PCCA: variants seen among roughly 807,000 people sequenced by gnomAD.
PCCA encodes propionyl-CoA carboxylase subunit alpha, also known as propionyl-CoA carboxylase alpha chain, mitochondrial.
A neutral mutation model predicts 101.3 loss-of-function variants in PCCA; 74 were observed. That is an observed-to-expected ratio of 0.73 (90% confidence interval 0.61 to 0.89). The LOEUF (loss-of-function observed/expected upper bound fraction) is 0.89, where lower values mean the gene tolerates loss of function less well. Among genes scored for constraint, PCCA ranks in the 40% least tolerant of loss-of-function variants. PCCA has a pLI of 0.00. For missense variants in PCCA, 891 were observed against 907.0 expected (o/e 0.98, Z 0.23); for synonymous variants, 294 against 313.6 (o/e 0.94, Z 0.66).
chr13:100,335,028 TG>T (rs1426171639), intron 17 of PCCA, among the ~76,000 whole-genome samples: 1 of 152,224 alleles, frequency 6.6e-6, no homozygotes, highest in African/African-American at 2.4e-5. Context: ...ATGCAAGGAA[TG>T]TACAGTGAGA....
chr13:100,356,510 T>C (rs530810448), intron 18 of PCCA, among the ~76,000 whole-genome samples: 2 of 152,244 alleles, frequency 1.3e-5, no homozygotes, highest in African/African-American at 4.8e-5. Flanking sequence ...ATGCTCTGTA[T>C]CATTAGTTGA....
At chr13:100,178,473 T>A (rs554650436) in intron 6 of PCCA, among the ~76,000 whole-genome samples, 1 of 152,318 alleles carries the variant, frequency 6.6e-6, no homozygotes, top group African/African-American at 2.4e-5. Context: ...CCATAAGGCT[T>A]TAATTTACCC....
rs183869507 is a variant in PCCA at position 100,400,576 on chromosome 13, G to A, written c.1747-25057G>A. ...GACCACTCTTCACACTTACAGAAGTGTTAGGTGATAATTTTAGGTGTAATA... is the reference window on the plus strand; with the variant it reads ...GACCACTCTTCACACTTACAGAAGTATTAGGTGATAATTTTAGGTGTAATA... On this transcript the variant is annotated intron_variant, in intron 19 of 23. Transcript: ENST00000376285. Among the ~76,000 whole-genome samples the A allele has an allele frequency of 2.1e-3, 310 of 145,522 alleles. 3 individuals carry two copies. The highest frequency in any genetic ancestry group is 3.6e-3 in the Non-Finnish European group (239 of 66,682).
rs71777843 is a variant in PCCA at position 100,263,843 on chromosome 13, GTA to G, written c.819+1024_819+1025del. Among the ~76,000 whole-genome samples, 740 of 144,778 alleles carry G rather than the reference GTA, an allele frequency of 5.1e-3. 5 individuals are homozygous for G. Among genetic ancestry groups the G allele is most frequent in the African/African-American group, 0.013 (503 of 39,874 alleles). 95.0% of individuals were successfully genotyped at this position (144,778 alleles called of 152,430 possible). A position where few individuals can be genotyped will look rare whatever the true frequency, so the allele number is the denominator to read the frequency against. On this transcript the variant is annotated intron_variant, in intron 10 of 23. Transcript: ENST00000376285. ...ATCATATATATGGTATCTGTATATC[GTA>G]TATATATATATGGTATCTGTATATC...
chr13:100,283,998 G>A (rs949935393), intron 12 of PCCA, among the ~76,000 whole-genome samples: 15 of 152,276 alleles, frequency 9.9e-5, no homozygotes, highest in African/African-American at 2.9e-4. Context: ...CGGGGCAAGC[G>A]CCAGCTCATG....
At chr13:100,325,754 T>C (rs2068606329) in intron 16 of PCCA, among the ~76,000 whole-genome samples, 1 of 152,140 alleles carries the variant, frequency 6.6e-6, no homozygotes, top group Non-Finnish European at 1.5e-5. Flanking sequence ...CAAGAAGGCT[T>C]GGACAATGAG....
intron 23 of PCCA, among the ~76,000 whole-genome samples, 179 bp from the exon 24 acceptor site, chr13:100,529,919 G>A (rs1302516524): frequency 6.6e-6 from 1 of 151,750 alleles, no homozygotes; most frequent in Non-Finnish European, 1.5e-5. Context: ...CGGCCACCAT[G>A]GCGCCTCCCT....
At chr13:100,354,839 G>A (rs2073794178) in intron 18 of PCCA, among the ~76,000 whole-genome samples, 1 of 152,080 alleles carries the variant, frequency 6.6e-6, no homozygotes, top group African/African-American at 2.4e-5. Context: ...GTAAAGAGAT[G>A]GAACTAATCG....
At chr13:100,475,615 G>A (rs1331372229) in intron 21 of PCCA, among the ~76,000 whole-genome samples, 7 of 152,244 alleles carry the variant, frequency 4.6e-5, no homozygotes, top group Non-Finnish European at 8.8e-5. Context: ...ATTCATGTAC[G>A]AGTTTTTGGG....
chr13:100,301,502 G>C lies in PCCA; in HGVS notation c.1108G>C (p.Val370Leu). 6.2e-7 allele frequency: 1 copy of C among 1,614,048 alleles called. No individual in the cohort carries two copies. The highest frequency in any genetic ancestry group is 8.5e-7 in the Non-Finnish European group (1 of 1,179,960). Residue 370 changes from valine (V) to leucine (L), a missense_variant, in exon 13 of 24, where the codon GTC becomes CTC. Coordinates refer to ENST00000376285, the MANE Select transcript of PCCA (RefSeq NM_000282.4). ...VTECITGLDL[V>L]QEMIRVAKGY... ...AGAATGCATTACTGGCCTGGACCTAGTCCAGGAAATGATCCGTGTTGCTAA... is the reference window on the plus strand; with the variant it reads ...AGAATGCATTACTGGCCTGGACCTACTCCAGGAAATGATCCGTGTTGCTAA...
chr13:100,376,641 C>G (rs747152009), intron 19 of PCCA, among the ~76,000 whole-genome samples: 14 of 152,212 alleles, frequency 9.2e-5, no homozygotes, highest in Non-Finnish European at 1.8e-4. Flanking sequence ...ACCACCTACT[C>G]AAGCCTCAAT....
chr13:100,276,487 T>G (rs1269513791), intron 12 of PCCA, among the ~76,000 whole-genome samples: 3 of 152,122 alleles, frequency 2.0e-5, no homozygotes, highest in African/African-American at 7.2e-5. Context: ...TTTTAATTTT[T>G]TTTGGAAATT....
At chr13:100,423,583 T>A (rs2078960596) in intron 19 of PCCA, among the ~76,000 whole-genome samples, 1 of 152,010 alleles carries the variant, frequency 6.6e-6, no homozygotes, top group Non-Finnish European at 1.5e-5. Context: ...GTAGGGAAGT[T>A]GCAAATTTCT....
intron 6 of PCCA, among the ~76,000 whole-genome samples, chr13:100,181,838 T>C (rs546726118): frequency 6.6e-6 from 1 of 151,256 alleles, no homozygotes. Context: ...TGATCTTGGC[T>C]TACTGCAACC....
rs4772265 is a variant in PCCA at position 100,111,536 on chromosome 13, T to C, written c.184-305T>C. On this transcript the variant is annotated intron_variant, in intron 2 of 23. Coordinates refer to ENST00000376285, the MANE Select transcript of PCCA (RefSeq NM_000282.4). ...GCTACAGAATATGTAGATACCCCCA[T>C]TGTGAATACATTAACCTACTATGCT... is the stretch of plus-strand genomic sequence containing the variant. Among the ~76,000 whole-genome samples the C allele has an allele frequency of 0.34, 51,549 of 151,996 alleles. 9,449 individuals carry two copies. Among genetic ancestry groups the C allele is most frequent in the East Asian group, 0.69 (3,569 of 5,146 alleles).
chr13:100,384,675 A>G (rs963431821), intron 19 of PCCA, among the ~76,000 whole-genome samples: 14 of 152,134 alleles, frequency 9.2e-5, no homozygotes, highest in Admixed American at 9.2e-4. Context: ...TTTTGCCTCT[A>G]TTGTCAGTTT....
At chr13:100,243,609 C>T (rs918805962) in intron 8 of PCCA, among the ~76,000 whole-genome samples, 5 of 152,148 alleles carry the variant, frequency 3.3e-5, no homozygotes, top group African/African-American at 1.2e-4. Context: ...TTAGGCTGGA[C>T]TAATAGAAAT....
At chr13:100,201,857 CAAAAAAAAAAAAAAAAAA>C (rs55669622) in intron 6 of PCCA, among the ~76,000 whole-genome samples, 5 of 60,734 alleles carry the variant, frequency 8.2e-5, no homozygotes, top group African/African-American at 2.0e-4. Context: ...AACTGCGTCT[CAAAAAAAAAAAAAAAAAA>C]AAAAAAAAAA....
chr13:100,269,883 T>C (rs910260931), intron 11 of PCCA, among the ~76,000 whole-genome samples: 18 of 152,194 alleles, frequency 1.2e-4, no homozygotes. Flanking sequence ...CCAAATCCTT[T>C]GCCATTTTTC....
Sources: gnomAD v4.1 joint callset for allele counts (sites outside exome capture counted in the v4.1 genomes callset) on GRCh38, gnomAD v4.1.1 for gene constraint, MANE v1.5 for transcripts, NCBI Gene and HGNC (gene_info 2026-07-23, HGNC 2026-07-21) for gene names.